BNC2: variants seen among roughly 807,000 people sequenced by gnomAD.
The protein encoded by BNC2 is zinc finger protein basonuclin-2.
BNC2 carries 20 observed loss-of-function variants against 76.3 expected under a neutral mutation model. The ratio of observed to expected loss-of-function variants is 0.26; its 90% CI spans 0.18 to 0.38. The LOEUF (loss-of-function observed/expected upper bound fraction) is 0.38. Ranked by LOEUF, BNC2 falls within the 10% of genes least tolerant of loss-of-function variation. The pLI, the probability that BNC2 is intolerant of heterozygous loss-of-function variation, is 1.00. For synonymous variants in BNC2, 582 were observed against 514.8 expected, an observed-to-expected ratio of 1.13 and a Z score of -1.77; for missense variants, 1,382 against 1,399.8, an observed-to-expected ratio of 0.99 and a Z score of 0.20.
At chr9:16,836,906 A>G (rs747132433) in intron 1 of BNC2, among the ~76,000 whole-genome samples, 36 of 152,194 alleles carry the variant, frequency 2.4e-4, no homozygotes, top group Non-Finnish European at 4.0e-4. Flanking sequence ...CAGGCCACTT[A>G]TATTAACAGT....
chr9:16,514,430 G>A (rs986606144), intron 5 of BNC2, among the ~76,000 whole-genome samples: 1 of 152,132 alleles, frequency 6.6e-6, no homozygotes, highest in African/African-American at 2.4e-5. Context: ...AGAATGATGA[G>A]CAAAAGCCAG....
At chr9:16,728,706 A>T (rs1317474751) in intron 2 of BNC2, among the ~76,000 whole-genome samples, 1 of 151,972 alleles carries the variant, frequency 6.6e-6, no homozygotes, top group Non-Finnish European at 1.5e-5. Context: ...ATGTGACCTT[A>T]TACTCTAAAG....
intron 1 of BNC2, among the ~76,000 whole-genome samples, chr9:16,839,837 C>T (rs921198280): frequency 9.9e-5 from 15 of 151,962 alleles, no homozygotes; most frequent in Non-Finnish European, 1.9e-4. Flanking sequence ...TCAACCAATG[C>T]GGTGTGGTGC....
intron 5 of BNC2, among the ~76,000 whole-genome samples, chr9:16,515,821 T>C (rs537977964): frequency 2.9e-4 from 43 of 150,136 alleles, no homozygotes; most frequent in East Asian, 2.7e-3. Flanking sequence ...AAAAAAGATA[T>C]ATATATATAT....
chr9:16,718,116 A>C (rs1330611796), intron 3 of BNC2, among the ~76,000 whole-genome samples: 1 of 152,186 alleles, frequency 6.6e-6, no homozygotes, highest in African/African-American at 2.4e-5. Flanking sequence ...TCATTACTCT[A>C]ATCTCACCAC....
Position 16,435,693 on chromosome 9 carries a change from A to G in BNC2, c.2501T>C (p.Ile834Thr). Residue 834 changes from isoleucine to threonine, a missense_variant, in exon 6 of 7, where the codon ATC becomes ACC. Physicochemically the swap from Ile to Thr is moderately conservative, Grantham distance 89. Coordinates refer to ENST00000380672, the MANE Select transcript of BNC2 (RefSeq NM_017637.6). ...GDLCSSPDPK[I>T]CYVCKKSFKS... Reference sequence around the variant, plus strand: ...GAAACTCTTCTTGCACACATAACAGATTTTGGGGTCTGGGCTAGAACATAG... The same window carrying G: ...GAAACTCTTCTTGCACACATAACAGGTTTTGGGGTCTGGGCTAGAACATAG... The G allele has an allele frequency of 6.2e-7, 1 of 1,614,056 alleles. No individual in the cohort carries two copies. The highest frequency in any genetic ancestry group is 8.5e-7 in the Non-Finnish European group (1 of 1,180,000).
chr9:16,659,432 A>AC (rs1317475856), intron 3 of BNC2, among the ~76,000 whole-genome samples: 1 of 151,886 alleles, frequency 6.6e-6, no homozygotes, highest in Non-Finnish European at 1.5e-5. Flanking sequence ...ACATGGTGAA[A>AC]CCCCATCTCT....
In BNC2 at chr9:16,583,066, A is replaced by G; in HGVS notation, c.350T>C (p.Val117Ala). Residue 117 changes from valine to alanine, a missense_variant, in exon 4 of 7, where the codon GTA becomes GCA. By Grantham distance (64) the Val-to-Ala change is moderately conservative. Coordinates refer to ENST00000380672, the MANE Select transcript of BNC2 (RefSeq NM_017637.6). ...CTGAAAACATTCACATGTGCAGTTT[A>G]CCAGTGTGCAACGGATGGCCTGAAA... ...MSQQAIRCTLVNCTCECFQPG... is the reference protein window; with the variant it reads ...MSQQAIRCTLANCTCECFQPG... The G allele has an allele frequency of 6.2e-6, 10 of 1,614,076 alleles. No homozygotes were observed. The highest frequency in any genetic ancestry group is 8.5e-6 in the Non-Finnish European group (10 of 1,179,958).
chr9:16,474,382 G>A (rs1028381881), intron 5 of BNC2, among the ~76,000 whole-genome samples: 2 of 152,212 alleles, frequency 1.3e-5, no homozygotes, highest in African/African-American at 4.8e-5. Flanking sequence ...AATGAAGGGA[G>A]AAAAGTGTTC....
intron 1 of BNC2, among the ~76,000 whole-genome samples, chr9:16,750,589 TCAAA>T (rs536919919): frequency 7.6e-4 from 116 of 152,366 alleles, no homozygotes; most frequent in Non-Finnish European, 1.4e-3. Flanking sequence ...AAGAGATCTC[TCAAA>T]CAAACTCTAG....
At position 16,847,638 on chromosome 9, in the gene BNC2, C is replaced by T. The variant is rs1471941988; in HGVS notation, c.3+23008G>A. ...TAATTTTGACAATTAAAAGCTTGTC[C>T]GAGATATATCAAGATATCCCCAAAC... On this transcript the variant is annotated intron_variant, in intron 1 of 6. Coordinates refer to ENST00000380672, the MANE Select transcript of BNC2 (RefSeq NM_017637.6). Among the ~76,000 whole-genome samples the T allele has an allele frequency of 4.6e-5, 7 of 151,924 alleles. No homozygotes were observed. The South Asian group carries it at 1.0e-3, about 23-fold the overall frequency.
intron 5 of BNC2, among the ~76,000 whole-genome samples, chr9:16,447,437 CTT>C (rs567501508): frequency 3.0e-4 from 45 of 152,102 alleles, no homozygotes; most frequent in Non-Finnish European, 5.9e-4. Context: ...ATATGAATCA[CTT>C]TAATTAAAAT....
At chr9:16,432,206 T>C (rs1400383427) in intron 6 of BNC2, among the ~76,000 whole-genome samples, 4 of 152,224 alleles carry the variant, frequency 2.6e-5, no homozygotes, top group Non-Finnish European at 5.9e-5. Context: ...TTTACAACTA[T>C]ATAGAAAAGA....
chr9:16,751,583 TAA>T (rs1419953438), intron 1 of BNC2, among the ~76,000 whole-genome samples: 1 of 149,376 alleles, frequency 6.7e-6, no homozygotes, highest in Non-Finnish European at 1.5e-5. Flanking sequence ...TCTAGAAATA[TAA>T]AGCTGCTGTC....
chr9:16,804,458 T>C (rs563250789), intron 1 of BNC2, among the ~76,000 whole-genome samples: 1 of 152,338 alleles, frequency 6.6e-6, no homozygotes, highest in South Asian at 2.1e-4. Context: ...ACTCTATGCA[T>C]GCATATACAT....
chr9:16,667,145 G>A (rs550229967), intron 3 of BNC2, among the ~76,000 whole-genome samples: 148 of 151,524 alleles, frequency 9.8e-4, no homozygotes, highest in African/African-American at 3.4e-3. Flanking sequence ...TAAAAGTACT[G>A]TCACTAGAAT....
At chr9:16,543,614 G>C (rs936783418) in intron 5 of BNC2, among the ~76,000 whole-genome samples, 1 of 152,136 alleles carries the variant, frequency 6.6e-6, no homozygotes, top group Non-Finnish European at 1.5e-5. Context: ...TTTTTATTTT[G>C]CAAGAGTAAA....
Position 16,764,897 on chromosome 9 carries a change from G to A in BNC2, c.4-26412C>T, listed in dbSNP as rs146771384. Among the ~76,000 whole-genome samples, 176 of 151,484 alleles carry A rather than the reference G, an allele frequency of 1.2e-3. 4 individuals carry two copies. The East Asian group carries it at 0.028, about 24-fold the overall frequency. ...CAAAAATAAATGAGAGGGAGGGAAA[G>A]AAGGAGGGAAGGAGGGAGGAGGGAT... On this transcript the variant is annotated intron_variant, in intron 1 of 6. Transcript: ENST00000380672.
Position 16,412,720 on chromosome 9 carries a change from G to GGAGAGAGAGAGAGAGAGA in BNC2, c.*6251_*6268dup, listed in dbSNP as rs58174243. The GGAGAGAGAGAGAGAGAGA allele has an allele frequency of 6.8e-4, 81 of 119,936 alleles. 2 individuals are homozygous for GGAGAGAGAGAGAGAGAGA. Among genetic ancestry groups the GGAGAGAGAGAGAGAGAGA allele is most frequent in the Non-Finnish European group, 9.9e-4 (54 of 54,612 alleles). 7.4% of individuals were successfully genotyped at this position (119,936 alleles called of 1,614,324 possible). A position where few individuals can be genotyped will look rare whatever the true frequency, so the allele number is the denominator to read the frequency against. On this transcript the variant is annotated 3_prime_UTR_variant, in exon 7 of 7. Coordinates refer to ENST00000380672, the MANE Select transcript of BNC2 (RefSeq NM_017637.6). The stretch of plus-strand genomic sequence containing the variant: ...AATAAGAGGGAAGGAGAGAGAGAGG[G>GGAGAGAGAGAGAGAGAGA]GAGAGAGAGAGAGAGAGAGAGAGAG...
Sources: gnomAD v4.1 joint callset for allele counts (sites outside exome capture counted in the v4.1 genomes callset) on GRCh38, gnomAD v4.1.1 for gene constraint, MANE v1.5 for transcripts, NCBI Gene and HGNC (gene_info 2026-07-23, HGNC 2026-07-21) for gene names.